BICRAL: variants seen among roughly 807,000 people sequenced by gnomAD.
The protein encoded by BICRAL is BICRA like chromatin remodeling complex associated protein.
In BICRAL, 8 loss-of-function variants were observed where a neutral mutation model predicts 91.8. That is an observed-to-expected ratio of 0.09 (90% CI 0.05 to 0.16). The LOEUF is 0.16. Ranked by LOEUF, BICRAL falls within the 10% of genes least tolerant of loss-of-function variation. The probability of loss-of-function intolerance (pLI) is 1.00; values close to 1 mark genes in which losing one functional copy is unlikely to be tolerated. For synonymous variants in BICRAL, 445 were observed against 491.1 expected (o/e 0.91, Z 1.24); for missense variants, 1,038 against 1,310.9 (o/e 0.79, Z 3.21).
At chr6:42,805,050 C>T (rs1190445232) in intron 1 of BICRAL, among the ~76,000 whole-genome samples, 2 of 152,172 alleles carry the variant, frequency 1.3e-5, no homozygotes, top group African/African-American at 4.8e-5. Context: ...TGAAGATAAT[C>T]GCACAGAGCA....
intron 5 of BICRAL, among the ~76,000 whole-genome samples, chr6:42,823,402 A>T (rs1239795112): frequency 6.6e-6 from 1 of 152,200 alleles, no homozygotes; most frequent in Non-Finnish European, 1.5e-5. Flanking sequence ...AATTACAGGT[A>T]TGAGCCACTG....
chr6:42,760,032 G>A (rs1762521992), intron 1 of BICRAL, among the ~76,000 whole-genome samples: 1 of 152,134 alleles, frequency 6.6e-6, no homozygotes, highest in Non-Finnish European at 1.5e-5. Flanking sequence ...ATCACCTGAG[G>A]TCAGGAGTTC....
At chr6:42,763,174 T>A (rs896394072) in intron 1 of BICRAL, among the ~76,000 whole-genome samples, 1 of 152,162 alleles carries the variant, frequency 6.6e-6, no homozygotes, top group Non-Finnish European at 1.5e-5. Context: ...ACTTCACTTA[T>A]ATTATCTCAT....
chr6:42,806,935 A>G (rs1030883184), intron 1 of BICRAL, among the ~76,000 whole-genome samples: 1 of 151,974 alleles, frequency 6.6e-6, no homozygotes, highest in Non-Finnish European at 1.5e-5. Context: ...GGTTCAAGCA[A>G]TTCTCCTGCC....
Position 42,829,574 on chromosome 6 carries a change from T to C in BICRAL, c.1241T>C (p.Val414Ala). The C allele has an allele frequency of 6.2e-7, 1 of 1,614,200 alleles. No individual in the cohort carries two copies. Among genetic ancestry groups the C allele is most frequent in the Non-Finnish European group, 8.5e-7 (1 of 1,180,030 alleles). The change falls in exon 6 of 13, where the codon GTA (valine) becomes GCA (alanine). Residue 414 changes from valine (V) to alanine (A), a missense_variant. This residue lies in a region of BICRAL where 532 missense variants were observed against 724.9 expected (regional missense o/e 0.73). Transcript: ENST00000314073. The stretch of plus-strand genomic sequence containing the variant: ...AGCCTTTCTGTCAGTTCCAACTCGG[T>C]ACACCACGTCCAGACTATAAATGGG... The part of the protein sequence containing the change: ...PTSLSVSSNS[V>A]HHVQTINGQL...
At chr6:42,788,311 A>T (rs1440920723) in intron 1 of BICRAL, among the ~76,000 whole-genome samples, 4 of 139,080 alleles carry the variant, frequency 2.9e-5, no homozygotes, top group Non-Finnish European at 6.0e-5. Flanking sequence ...TGCAACCTCC[A>T]CCTCTTGGGT....
intron 1 of BICRAL, among the ~76,000 whole-genome samples, chr6:42,793,110 C>A (rs1763321515): frequency 7.4e-6 from 1 of 135,610 alleles, no homozygotes; most frequent in Non-Finnish European, 1.6e-5. Flanking sequence ...CGCATGCCAC[C>A]ATGCCCAGCT....
At chr6:42,819,715 T>G (rs1160074857) in intron 2 of BICRAL, among the ~76,000 whole-genome samples, 1 of 152,242 alleles carries the variant, frequency 6.6e-6, no homozygotes, top group Admixed American at 6.5e-5. Flanking sequence ...TTTGGCATTA[T>G]TTGAAGCTAG....
In BICRAL at chr6:42,761,451, A is replaced by T. The variant is rs181435939; in HGVS notation, c.-261+14428A>T. Reference sequence around the variant, plus strand: ...GCAGCAGAGCTGGAGTGCAATAAATAAATTAATTAATTAATTCTGATTAGT... The same window carrying T: ...GCAGCAGAGCTGGAGTGCAATAAATTAATTAATTAATTAATTCTGATTAGT... On this transcript the variant is annotated intron_variant, in intron 1 of 14. Coordinates refer to the BICRAL transcript ENST00000614467. Among the ~76,000 whole-genome samples the T allele has an allele frequency of 6.7e-3, 996 of 148,364 alleles. 3 individuals are homozygous for T. The highest frequency in any genetic ancestry group is 9.6e-3 in the Non-Finnish European group (652 of 68,008).
In BICRAL at chr6:42,852,100, A is replaced by G. The variant is rs780800010; in HGVS notation, c.1848A>G (p.Lys616=). 3 of 1,594,548 alleles carry G rather than the reference A, an allele frequency of 1.9e-6. No individual in the cohort carries two copies. The highest frequency in any genetic ancestry group is 2.6e-6 in the Non-Finnish European group (3 of 1,163,730). Residue 616 remains lysine (K), a synonymous_variant, in exon 7 of 13, where the codon AAA becomes AAG. Coordinates refer to ENST00000314073, the MANE Select transcript of BICRAL (RefSeq NM_001393499.1). ...TTTGTCATGTTTCACAGGCTCAGAA[A>G]AAATGTCTGAATCAGACTTCCCCCA... ...TQQQFFCQAQ[K]KCLNQTSPIS...
chr6:42,843,441 TGC>T (rs946006949), intron 6 of BICRAL, among the ~76,000 whole-genome samples: 2 of 152,152 alleles, frequency 1.3e-5, no homozygotes, highest in African/African-American at 4.8e-5. Flanking sequence ...AGGTCTTGGA[TGC>T]CATGATAAGA....
intron 1 of BICRAL, among the ~76,000 whole-genome samples, chr6:42,772,531 T>G (rs58910274): frequency 0.27 from 41,717 of 152,056 alleles, 6,156 homozygotes; most frequent in South Asian, 0.44. Context: ...GAGATGTGCC[T>G]GGGGAGGCAG....
chr6:42,831,723 A>G (rs776323602), intron 6 of BICRAL, among the ~76,000 whole-genome samples: 5 of 149,910 alleles, frequency 3.3e-5, no homozygotes, highest in Non-Finnish European at 7.4e-5. Flanking sequence ...TTCTGTTTAT[A>G]TACGTCAACA....
chr6:42,837,615 G>T (rs531435825), intron 6 of BICRAL, among the ~76,000 whole-genome samples: 2 of 151,998 alleles, frequency 1.3e-5, no homozygotes, highest in African/African-American at 4.8e-5. Context: ...AGCCGGATGT[G>T]GTGGCAGGCG....
chr6:42,828,867 A>G lies in BICRAL; in HGVS notation c.534A>G (p.Ala178=), dbSNP rs748509174. 35 of 1,614,092 alleles carry G rather than the reference A, an allele frequency of 2.2e-5. No individual in the cohort carries two copies. The highest frequency in any genetic ancestry group is 2.8e-5 in the Non-Finnish European group (33 of 1,180,044). ...ATGTGCCTGTTGGAGCATCGTTTGC[A>G]AGCAATACAGTGGGTGTACAACATG... is the stretch of plus-strand genomic sequence containing the variant. The part of the protein sequence containing the change: ...VTHVPVGASF[A]SNTVGVQHGF... Residue 178 remains alanine, a synonymous_variant, in exon 6 of 13, where the codon GCA becomes GCG. Coordinates refer to ENST00000314073, the MANE Select transcript of BICRAL (RefSeq NM_001393499.1).
intron 10 of BICRAL, 120 bp downstream of exon 10, chr6:42,857,356 C>T: frequency 1.3e-6 from 1 of 759,328 alleles, no homozygotes; most frequent in South Asian, 1.8e-5. Flanking sequence ...TTTTTAATCA[C>T]AGACCAAACT....
At chr6:42,858,100 C>G (rs1285244126) in intron 10 of BICRAL, among the ~76,000 whole-genome samples, 1 of 151,018 alleles carries the variant, frequency 6.6e-6, no homozygotes, top group African/African-American at 2.4e-5. Flanking sequence ...CATGAGCCAC[C>G]ACTCCTGGCC....
chr6:42,862,754 A>C, intron 12 of BICRAL, 142 bp downstream of exon 12: 1 of 615,316 alleles, frequency 1.6e-6, no homozygotes, highest in African/African-American at 1.8e-5. Flanking sequence ...ACGGTGGCTC[A>C]CACCTGTAAT....
intron 6 of BICRAL, among the ~76,000 whole-genome samples, chr6:42,850,738 G>T (rs1464941579): frequency 2.6e-5 from 4 of 151,970 alleles, no homozygotes; most frequent in Non-Finnish European, 4.4e-5. Flanking sequence ...ACAAAAGATA[G>T]CCAGGCATGG....
Sources: allele counts gnomAD v4.1 joint callset (sites outside exome capture counted in the v4.1 genomes callset), GRCh38; gene constraint gnomAD v4.1.1; regional missense constraint gnomAD v4.1.1; transcripts MANE v1.5; gene names NCBI Gene and HGNC (gene_info 2026-07-23, HGNC 2026-07-21).